ATG5: variants seen among roughly 807,000 people sequenced by gnomAD.
ATG5 encodes the protein autophagy protein 5.
A neutral mutation model predicts 36.5 loss-of-function variants in ATG5; 14 were observed. The ratio of observed to expected loss-of-function variants is 0.38; its 90% CI spans 0.25 to 0.60. The LOEUF (loss-of-function observed/expected upper bound fraction) is 0.60. Among genes scored for constraint, ATG5 ranks in the 20% least tolerant of loss-of-function variants. ATG5 has a pLI of 0.60. For missense variants in ATG5, 195 were observed against 326.7 expected, an observed-to-expected ratio of 0.60 and a Z score of 3.11; for synonymous variants, 95 against 101.5, an observed-to-expected ratio of 0.94 and a Z score of 0.38.
chr6:106,244,456 C>T (rs1288549168), intron 6 of ATG5, among the ~76,000 whole-genome samples: 1 of 152,188 alleles, frequency 6.6e-6, no homozygotes, highest in Non-Finnish European at 1.5e-5. Flanking sequence ...CTTATACTTA[C>T]AACGTCCCCC....
chr6:106,286,948 T>C (rs1322311070), intron 4 of ATG5, among the ~76,000 whole-genome samples: 1 of 152,180 alleles, frequency 6.6e-6, no homozygotes, highest in African/African-American at 2.4e-5. Flanking sequence ...CCTCATAACC[T>C]AGGCAGAAGA....
At chr6:106,282,623 C>CT (rs1248202373) in intron 4 of ATG5, among the ~76,000 whole-genome samples, 1 of 152,212 alleles carries the variant, frequency 6.6e-6, no homozygotes, top group African/African-American at 2.4e-5. Flanking sequence ...TGTAGCATGA[C>CT]TTTAACTGTA....
intron 3 of ATG5, among the ~76,000 whole-genome samples, chr6:106,302,565 G>A (rs971177258): frequency 2.6e-5 from 4 of 151,954 alleles, no homozygotes; most frequent in Non-Finnish European, 4.4e-5. Context: ...CCTGAATCCC[G>A]AAAAACAAAG....
chr6:106,239,164 A>G (rs913453542), intron 6 of ATG5, among the ~76,000 whole-genome samples: 1 of 137,086 alleles, frequency 7.3e-6, no homozygotes, highest in Non-Finnish European at 1.6e-5. Flanking sequence ...ATAAAGCAAG[A>G]AAAAAAAAAG....
intron 6 of ATG5, among the ~76,000 whole-genome samples, chr6:106,240,130 G>C (rs2787528): frequency 0.11 from 16,713 of 151,834 alleles, 991 homozygotes; most frequent in South Asian, 0.16. Flanking sequence ...ACAGCTGGGA[G>C]AGATGTGTGC....
chr6:106,235,596 G>A (rs180922110), intron 6 of ATG5, among the ~76,000 whole-genome samples: 379 of 152,186 alleles, frequency 2.5e-3, no homozygotes, highest in African/African-American at 8.6e-3. Context: ...GCTCACACCC[G>A]ACCAATCAGG....
intron 5 of ATG5, among the ~76,000 whole-genome samples, chr6:106,250,055 C>T (rs1289203339): frequency 6.6e-6 from 1 of 150,926 alleles, no homozygotes; most frequent in Non-Finnish European, 1.5e-5. Context: ...TAAGCAACTC[C>T]TTTTTTTTTA....
intron 7 of ATG5, 56 bp downstream of exon 7, chr6:106,201,915 AT>A (rs1326174114): frequency 5.3e-6 from 7 of 1,326,062 alleles, no homozygotes; most frequent in Non-Finnish European, 6.4e-6. Flanking sequence ...TGGAATGCTT[AT>A]TTTACTTCAG....
At chr6:106,208,005 T>C (rs905049801) in intron 6 of ATG5, among the ~76,000 whole-genome samples, 5 of 152,218 alleles carry the variant, frequency 3.3e-5, no homozygotes, top group South Asian at 2.1e-4. Context: ...GGCAGGAGAA[T>C]TGCTTGAACC....
chr6:106,242,341 C>T (rs748671995), intron 6 of ATG5, among the ~76,000 whole-genome samples: 6 of 152,012 alleles, frequency 3.9e-5, no homozygotes, highest in African/African-American at 7.3e-5. Flanking sequence ...TCATGATATG[C>T]GAAATAAGCC....
At chr6:106,304,342 T>G (rs1187808146) in intron 3 of ATG5, 4 of 152,184 alleles carry the variant, frequency 2.6e-5, no homozygotes, top group Non-Finnish European at 5.9e-5. Flanking sequence ...AATTTTTATC[T>G]TTTACAATAT....
chr6:106,248,999 T>C (rs1049208237), intron 5 of ATG5, among the ~76,000 whole-genome samples: 2 of 152,220 alleles, frequency 1.3e-5, no homozygotes, highest in African/African-American at 2.4e-5. Flanking sequence ...ATACCAAAGA[T>C]TTTTTTAAAA....
chr6:106,297,798 T>C (rs1770025043), intron 3 of ATG5, among the ~76,000 whole-genome samples: 1 of 149,490 alleles, frequency 6.7e-6, no homozygotes, highest in Non-Finnish European at 1.5e-5. Flanking sequence ...GGGCTGGGCA[T>C]GGTGGCTTAT....
chr6:106,192,472 T>C (rs1451983975), intron 7 of ATG5, among the ~76,000 whole-genome samples: 1 of 152,182 alleles, frequency 6.6e-6, no homozygotes, highest in Non-Finnish European at 1.5e-5. Flanking sequence ...CTTGAGATTC[T>C]AGTGAGATGC....
At chr6:106,234,426 T>A (rs1045864709) in intron 6 of ATG5, among the ~76,000 whole-genome samples, 1 of 152,152 alleles carries the variant, frequency 6.6e-6, no homozygotes, top group African/African-American at 2.4e-5. Context: ...TCCGTTTTAG[T>A]AGGACCTCTT....
intron 6 of ATG5, among the ~76,000 whole-genome samples, chr6:106,228,736 T>C (rs1777545730): frequency 6.6e-6 from 1 of 152,108 alleles, no homozygotes; most frequent in Admixed American, 6.5e-5. Flanking sequence ...GGCCTATCCC[T>C]TAGAATTGGA....
chr6:106,262,743 G>C (rs560986397), intron 5 of ATG5, among the ~76,000 whole-genome samples: 1 of 152,282 alleles, frequency 6.6e-6, no homozygotes, highest in South Asian at 2.1e-4. Context: ...CTTCACCCAG[G>C]ATGTGCAAGA....
chr6:106,314,744 A>G (rs1440510702), intron 2 of ATG5, among the ~76,000 whole-genome samples: 2 of 152,162 alleles, frequency 1.3e-5, no homozygotes, highest in African/African-American at 2.4e-5. Flanking sequence ...ATGGTATCCT[A>G]ACCTATATTA....
At chr6:106,244,354 C>A (rs778298209) in intron 6 of ATG5, among the ~76,000 whole-genome samples, 9 of 152,160 alleles carry the variant, frequency 5.9e-5, no homozygotes, top group Non-Finnish European at 8.8e-5. Flanking sequence ...ATCTCCCATT[C>A]TTTACAGGAT....
Sources: gnomAD v4.1 joint callset for allele counts (sites outside exome capture counted in the v4.1 genomes callset) on GRCh38, gnomAD v4.1.1 for gene constraint, MANE v1.5 for transcripts, NCBI Gene and HGNC (gene_info 2026-07-23, HGNC 2026-07-21) for gene names.